Variants in STOX2 observed in about 807,000 individuals in gnomAD.
STOX2 encodes storkhead box 2.
A neutral mutation model predicts 60.9 loss-of-function variants in STOX2; 28 were observed. The observed-to-expected ratio is 0.46, with a 90% confidence interval of 0.34 to 0.63. STOX2 has a LOEUF of 0.63. STOX2 is among the 30% of genes least tolerant of loss of function. STOX2 has a pLI of 0.01. For missense variants in STOX2, 1,024 were observed against 1,187.7 expected, an observed-to-expected ratio of 0.86 and a Z score of 2.03; for synonymous variants, 472 against 463.9, an observed-to-expected ratio of 1.02 and a Z score of -0.22.
At chr4:183,918,769 C>T (rs943673689) in intron 1 of STOX2, among the ~76,000 whole-genome samples, 2 of 152,212 alleles carry the variant, frequency 1.3e-5, no homozygotes, top group Non-Finnish European at 2.9e-5. Context: ...CCACTCTTCA[C>T]ATGTGTTAAT....
intron 1 of STOX2, among the ~76,000 whole-genome samples, chr4:183,976,324 A>AC (rs1253192959): frequency 3.9e-5 from 6 of 152,230 alleles, no homozygotes; most frequent in African/African-American, 1.4e-4. Flanking sequence ...AAACAAACAA[A>AC]AAAAAAGAAA....
At chr4:183,841,490 G>A (rs1187817684) in intron 1 of STOX2, among the ~76,000 whole-genome samples, 1 of 152,080 alleles carries the variant, frequency 6.6e-6, no homozygotes, top group Admixed American at 6.5e-5. Flanking sequence ...TGGGATTACA[G>A]GCTTGAGCCA....
Position 183,825,490 on chromosome 4 carries a change from C to A in STOX2, c.364+27435C>A, listed in dbSNP as rs1739404195. Among the ~76,000 whole-genome samples, 1 of 152,186 alleles carries A rather than the reference C, an allele frequency of 6.6e-6. No homozygotes were observed. Among genetic ancestry groups the A allele is most frequent in the Non-Finnish European group, 1.5e-5 (1 of 68,030 alleles). On this transcript the variant is annotated intron_variant, in intron 1 of 2. Transcript: ENST00000513034. This position sits in a 1 kb window ranked among gnomAD's most constrained non-coding sequence, Gnocchi z 4.1. ...CAGGCTTGCACTGGGTGGCAGGCAA[C>A]CTTCAATGGGTGAATAGACGTTCCT...
At chr4:183,814,426 G>C (rs1337938293) in intron 1 of STOX2, among the ~76,000 whole-genome samples, 1 of 152,138 alleles carries the variant, frequency 6.6e-6, no homozygotes, top group Non-Finnish European at 1.5e-5. Context: ...TTTATAAATG[G>C]CTCTTGGTTT....
chr4:183,911,978 G>C (rs1285449947), intron 1 of STOX2, among the ~76,000 whole-genome samples: 1 of 152,180 alleles, frequency 6.6e-6, no homozygotes, highest in Non-Finnish European at 1.5e-5. Flanking sequence ...GAAAGGACAT[G>C]GGTAATTTTT....
chr4:183,814,672 G>C (rs1360796801), intron 1 of STOX2, among the ~76,000 whole-genome samples: 1 of 152,192 alleles, frequency 6.6e-6, no homozygotes, highest in Non-Finnish European at 1.5e-5. Flanking sequence ...TAGTCACCTG[G>C]CAGACAACCA....
intron 1 of STOX2, among the ~76,000 whole-genome samples, chr4:183,898,513 A>C (rs1247663498): frequency 6.6e-6 from 1 of 152,204 alleles, no homozygotes; most frequent in Non-Finnish European, 1.5e-5. Context: ...GATCCAGGAG[A>C]GAGGCCTGGG....
At chr4:183,804,243 A>T (rs1738833007) in intron 1 of STOX2, among the ~76,000 whole-genome samples, 1 of 152,198 alleles carries the variant, frequency 6.6e-6, no homozygotes, top group Non-Finnish European at 1.5e-5. Flanking sequence ...ATGCCTACTT[A>T]ATAAGTGATA....
chr4:183,997,222 G>A (rs1413657505), intron 1 of STOX2, among the ~76,000 whole-genome samples: 1 of 152,196 alleles, frequency 6.6e-6, no homozygotes, highest in Non-Finnish European at 1.5e-5. Flanking sequence ...GGTGCCATTT[G>A]AATTGAGACC....
chr4:183,876,043 G>A (rs1405896350), intron 1 of STOX2, among the ~76,000 whole-genome samples: 1 of 152,148 alleles, frequency 6.6e-6, no homozygotes, highest in Non-Finnish European at 1.5e-5. Context: ...GTTGACCAGA[G>A]GCCCCATATC....
chr4:183,877,926 G>A (rs2111169872), intron 1 of STOX2, among the ~76,000 whole-genome samples: 1 of 152,218 alleles, frequency 6.6e-6, no homozygotes, highest in East Asian at 1.9e-4. Context: ...TTGACCCCAA[G>A]TAATCTGCCT....
intron 1 of STOX2, among the ~76,000 whole-genome samples, chr4:183,965,623 T>C (rs1248542594): frequency 6.6e-6 from 1 of 152,146 alleles, no homozygotes; most frequent in Non-Finnish European, 1.5e-5. Flanking sequence ...GATATCAACA[T>C]ATTGAGATCA....
At chr4:183,889,658 A>C (rs532469470) in intron 1 of STOX2, among the ~76,000 whole-genome samples, 10 of 152,240 alleles carry the variant, frequency 6.6e-5, no homozygotes, top group Admixed American at 2.0e-4. Context: ...AGCAACTTCG[A>C]GTCAGAGGGC....
At chr4:183,824,610 TGTAAACTG>T (rs1191586610) in intron 1 of STOX2, among the ~76,000 whole-genome samples, 2 of 152,256 alleles carry the variant, frequency 1.3e-5, no homozygotes, top group African/African-American at 2.4e-5. Context: ...CTTAATTTGC[TGTAAACTG>T]GTAAACAGAA....
intron 1 of STOX2, among the ~76,000 whole-genome samples, chr4:183,897,126 A>G (rs1256806187): frequency 6.6e-6 from 1 of 152,242 alleles, no homozygotes; most frequent in Non-Finnish European, 1.5e-5. Flanking sequence ...GACTCACTTC[A>G]TGAACTGTTA....
chr4:183,988,998 C>T (rs566135718), intron 1 of STOX2, among the ~76,000 whole-genome samples: 1 of 152,272 alleles, frequency 6.6e-6, no homozygotes, highest in South Asian at 2.1e-4. Flanking sequence ...CACACACGAC[C>T]TCACCAGCCC....
At chr4:183,807,134 A>G (rs7688361) in intron 1 of STOX2, among the ~76,000 whole-genome samples, 66,860 of 151,676 alleles carry the variant, frequency 0.44, 16,993 homozygotes, top group Non-Finnish European at 0.59. Context: ...CACCACGCCC[A>G]GCTAATTTTT....
intron 1 of STOX2, among the ~76,000 whole-genome samples, chr4:183,946,257 C>T (rs1742883423): frequency 1.3e-5 from 2 of 152,180 alleles, no homozygotes; most frequent in East Asian, 3.8e-4. Flanking sequence ...TGTGCGACTT[C>T]AGGCAAATTA....
rs191181225 is a variant in STOX2, at chr4:183,929,044, A to G, written c.166+22088A>G. Among the ~76,000 whole-genome samples the G allele has an allele frequency of 3.9e-5, 6 of 152,352 alleles. No homozygotes were observed. The East Asian group carries it at 9.6e-4, about 24-fold the overall frequency. ...AACCGTCTCGAGAATTCCTCAGATG[A>G]GTATGTTTCACTTGCCGTCTTAATT... On this transcript the variant is annotated intron_variant, in intron 1 of 3. Transcript: ENST00000308497.
Sources: gnomAD v4.1 joint callset for allele counts (sites outside exome capture counted in the v4.1 genomes callset) on GRCh38, gnomAD v4.1.1 for gene constraint, Gnocchi (gnomAD v3.1) non-coding constraint, MANE v1.5 for transcripts, NCBI Gene and HGNC (gene_info 2026-07-23, HGNC 2026-07-21) for gene names.